TMEM71: variants seen among roughly 807,000 people sequenced by gnomAD.
TMEM71 encodes transmembrane protein 71.
TMEM71 carries 44 observed loss-of-function variants against 38.0 expected under a neutral mutation model. The ratio of observed to expected loss-of-function variants is 1.16; its 90% confidence interval spans 0.91 to 1.49. The LOEUF (loss-of-function observed/expected upper bound fraction) is 1.49. TMEM71 is among the 40% of genes most tolerant of loss of function. The probability of loss-of-function intolerance (pLI) is 0.00; values close to 1 mark genes in which losing one functional copy is unlikely to be tolerated. For synonymous variants in TMEM71, 133 were observed against 122.5 expected, an observed-to-expected ratio of 1.09 and a Z score of -0.56; for missense variants, 367 against 348.6, an observed-to-expected ratio of 1.05 and a Z score of -0.42.
At chr8:132,744,245 A>G (rs1828211219) in intron 5 of TMEM71, among the ~76,000 whole-genome samples, 1 of 152,204 alleles carries the variant, frequency 6.6e-6, no homozygotes, top group South Asian at 2.1e-4. Context: ...AATAAAAATA[A>G]TTATAACTAC....
chr8:132,775,429 G>T, the TMEM71 span: 7 of 386,256 alleles, frequency 1.8e-5, no homozygotes, highest in East Asian at 3.8e-5. Flanking sequence ...GGCGGCGATG[G>T]CAGCGGACCC....
chr8:132,763,525 G>A (rs564674049), upstream of TMEM71, among the ~76,000 whole-genome samples: 1 of 152,248 alleles, frequency 6.6e-6, no homozygotes, highest in East Asian at 1.9e-4. Flanking sequence ...GTGTGGATGG[G>A]GAAAAGACGA....
chr8:132,733,231 C>T (rs1827557509), intron 5 of TMEM71, among the ~76,000 whole-genome samples: 1 of 152,164 alleles, frequency 6.6e-6, no homozygotes, highest in African/African-American at 2.4e-5. Flanking sequence ...AAAAAGGTCA[C>T]TTCATCTGTC....
At chr8:132,715,409 C>CAAAAAAAAAAAAAG (rs1826464650) in intron 7 of TMEM71, among the ~76,000 whole-genome samples, 1 of 21,564 alleles carries the variant, frequency 4.6e-5, no homozygotes, top group African/African-American at 1.2e-4. Context: ...GACTCCGTCT[C>CAAAAAAAAAAAAAG]AAAAAAAAAA....
intron 7 of TMEM71, among the ~76,000 whole-genome samples, chr8:132,718,165 T>A (rs559810768): frequency 4.2e-4 from 64 of 152,264 alleles, no homozygotes; most frequent in Middle Eastern, 6.8e-3. Context: ...ATTAGAGTGG[T>A]GATGGTTGCA....
intron 5 of TMEM71, among the ~76,000 whole-genome samples, chr8:132,741,812 G>C (rs1021039865): frequency 6.6e-6 from 1 of 152,210 alleles, no homozygotes; most frequent in Non-Finnish European, 1.5e-5. Context: ...GGGCGAGCCT[G>C]ACTGATGTCA....
chr8:132,735,551 G>A (rs1388877332), intron 5 of TMEM71, among the ~76,000 whole-genome samples: 1 of 152,170 alleles, frequency 6.6e-6, no homozygotes, highest in African/African-American at 2.4e-5. Context: ...GTGCGCCCAG[G>A]TTGACTAATT....
chr8:132,713,889 G>T, intron 9 of TMEM71, 106 bp downstream of exon 9: 1 of 1,078,826 alleles, frequency 9.3e-7, no homozygotes, highest in Non-Finnish European at 1.4e-6. Context: ...CGAATGATCA[G>T]GATGTTTCCT....
At chr8:132,717,451 A>G (rs996302497) in intron 7 of TMEM71, among the ~76,000 whole-genome samples, 2 of 152,246 alleles carry the variant, frequency 1.3e-5, no homozygotes, top group African/African-American at 4.8e-5. Context: ...TTTCTGTAAA[A>G]CAGATACACA....
rs149569607 is a variant in TMEM71 at position 132,751,915 on chromosome 8, G to A, written c.184C>T (p.Arg62Cys). ...DPLTGSHYTC[R>C]RSPRLLTNGY... is the part of the protein sequence containing the mutation. ...TTGGTGAGGAGTCTGGGACTTCGGC[G>A]ACAGGTATAGTGGGAGCCTGTCAGG... is the stretch of plus-strand genomic sequence containing the variant. Residue 62 changes from arginine (R) to cysteine (C), a missense_variant, in exon 4 of 10, where the codon CGC (arginine) becomes TGC (cysteine). By Grantham distance (180) the Arg-to-Cys change is radical (BLOSUM62 -3). Transcript: ENST00000677595. The A allele has an allele frequency of 1.5e-3, 2,423 of 1,614,064 alleles. 1 individual carries two copies. The highest frequency in any genetic ancestry group is 1.8e-3 in the Non-Finnish European group (2,108 of 1,180,024).
the TMEM71 span, chr8:132,775,329 C>G: frequency 2.9e-6 from 1 of 346,294 alleles, no homozygotes; most frequent in Admixed American, 4.8e-5. Context: ...CGTGACAAGG[C>G]CAGGCCCGCT....
At chr8:132,717,859 G>A (rs1258489190) in intron 7 of TMEM71, among the ~76,000 whole-genome samples, 2 of 152,084 alleles carry the variant, frequency 1.3e-5, no homozygotes, top group South Asian at 2.1e-4. Context: ...ATCAACTGAC[G>A]AATGGATAAA....
At chr8:132,751,749 G>T in intron 4 of TMEM71, 36 bp downstream of exon 4, 1 of 1,559,400 alleles carries the variant, frequency 6.4e-7, no homozygotes, top group South Asian at 1.1e-5. Context: ...GGATGGATTG[G>T]ACTTCAGATT....
chr8:132,764,742 G>A (rs1829342975), upstream of TMEM71, among the ~76,000 whole-genome samples: 1 of 152,188 alleles, frequency 6.6e-6, no homozygotes, highest in Admixed American at 6.5e-5. Flanking sequence ...TCCCATAGCT[G>A]TCTGCGCTTT....
At chr8:132,732,645 G>A (rs759186490) in intron 5 of TMEM71, among the ~76,000 whole-genome samples, 1 of 152,192 alleles carries the variant, frequency 6.6e-6, no homozygotes, top group African/African-American at 2.4e-5. Context: ...AGAGATTTGC[G>A]AGATTCCCAG....
chr8:132,706,837 A>G (rs924634532), downstream of TMEM71, among the ~76,000 whole-genome samples: 1 of 152,162 alleles, frequency 6.6e-6, no homozygotes, highest in Non-Finnish European at 1.5e-5. Context: ...TCTCTAATTA[A>G]TTAGATATCT....
At chr8:132,735,165 G>A (rs1202735574) in intron 5 of TMEM71, among the ~76,000 whole-genome samples, 3 of 152,120 alleles carry the variant, frequency 2.0e-5, no homozygotes, top group East Asian at 1.9e-4. Context: ...AACACATCCC[G>A]AATTGCAGTA....
At chr8:132,772,037 T>G in the TMEM71 span, among the ~76,000 whole-genome samples, 1 of 152,338 alleles carries the variant, frequency 6.6e-6, no homozygotes, top group East Asian at 1.9e-4. Flanking sequence ...TCTGCTAAAC[T>G]AACCTTAAAA....
At chr8:132,712,537 C>G (rs376551557) in intron 9 of TMEM71, among the ~76,000 whole-genome samples, 17 of 152,194 alleles carry the variant, frequency 1.1e-4, no homozygotes, top group South Asian at 4.1e-4. Context: ...CTGTACTAAC[C>G]TGATATTTGC....
Sources: allele counts gnomAD v4.1 joint callset (sites outside exome capture counted in the v4.1 genomes callset), GRCh38; gene constraint gnomAD v4.1.1; transcripts MANE v1.5; gene names NCBI Gene and HGNC (gene_info 2026-07-23, HGNC 2026-07-21).